The following PHACTR3 variants were observed in gnomAD, a reference collection of about 807,000 sequenced individuals.
The protein encoded by PHACTR3 is phosphatase and actin regulator 3.
Under a neutral mutation model 66.8 loss-of-function variants are expected in PHACTR3, and 16 were observed. That is an observed-to-expected ratio of 0.24 (90% CI 0.16 to 0.36). PHACTR3 has a LOEUF of 0.36. Among genes scored for constraint, PHACTR3 ranks in the 10% least tolerant of loss-of-function variants. The pLI, the probability that PHACTR3 is intolerant of heterozygous loss-of-function variation, is 1.00. For synonymous variants in PHACTR3, 323 were observed against 292.1 expected (o/e 1.11, Z -1.08); for missense variants, 647 against 719.9 (o/e 0.90, Z 1.16).
chr20:59,627,236 C>T (rs866566473), intron 1 of PHACTR3, among the ~76,000 whole-genome samples: 2 of 152,204 alleles, frequency 1.3e-5, no homozygotes, highest in Non-Finnish European at 2.9e-5. Context: ...TGGAAATGCA[C>T]GTGTGTGGGT....
chr20:59,633,887 C>T (rs1246346315), intron 1 of PHACTR3, among the ~76,000 whole-genome samples: 2 of 152,170 alleles, frequency 1.3e-5, no homozygotes, highest in African/African-American at 4.8e-5. Context: ...GAGGTTCTTA[C>T]AAAGCCAAAG....
At chr20:59,715,732 C>T (rs1295471929) in intron 1 of PHACTR3, among the ~76,000 whole-genome samples, 1 of 152,056 alleles carries the variant, frequency 6.6e-6, no homozygotes, top group Non-Finnish European at 1.5e-5. Flanking sequence ...CTGTGGGGCC[C>T]ATACATCCTT....
rs572248812 is a variant in PHACTR3 at position 59,760,702 on chromosome 20, G to A, written c.541+5338G>A. ...ATGTCTTTATCAGCAGCATGAAAAC[G>A]GACTAATAAGTGCCACACCAGCAAC... On this transcript the variant is annotated intron_variant, in intron 4 of 12. Coordinates refer to ENST00000371015, the MANE Select transcript of PHACTR3 (RefSeq NM_080672.5). 5.3e-5 allele frequency among the ~76,000 whole-genome samples: 8 copies of A among 152,142 alleles called. No individual in the cohort carries two copies. The South Asian group carries it at 1.0e-3, about 20-fold the overall frequency.
In PHACTR3 at chr20:59,609,234, G is replaced by A. The variant is rs138570913; in HGVS notation, c.118+4102G>A. Among the ~76,000 whole-genome samples, 58 of 152,312 alleles carry A rather than the reference G, an allele frequency of 3.8e-4. No individual in the cohort carries two copies. In the East Asian group the frequency reaches 0.011, roughly 28 times the overall value. ...GTCATGAGCTACAGACGGATGCACA[G>A]ACACATTCCCCAGGCCCTGGGCTCA... is the stretch of plus-strand genomic sequence containing the variant. On this transcript the variant is annotated intron_variant, in intron 1 of 12. Coordinates refer to ENST00000371015, the MANE Select transcript of PHACTR3 (RefSeq NM_080672.5).
chr20:59,663,067 G>A (rs1349792454), intron 1 of PHACTR3, among the ~76,000 whole-genome samples: 1 of 152,250 alleles, frequency 6.6e-6, no homozygotes, highest in Non-Finnish European at 1.5e-5. Flanking sequence ...GCGTCTGGGG[G>A]CTGCAAGCCC....
chr20:59,578,730 G>A (rs1400979284), intron 1 of PHACTR3, among the ~76,000 whole-genome samples: 1 of 152,182 alleles, frequency 6.6e-6, no homozygotes, highest in African/African-American at 2.4e-5. Context: ...GAAACCCTGA[G>A]ATACAGGGAT....
At chr20:59,728,233 C>A (rs767132780) in intron 1 of PHACTR3, among the ~76,000 whole-genome samples, 5 of 152,078 alleles carry the variant, frequency 3.3e-5, no homozygotes, top group South Asian at 2.1e-4. Flanking sequence ...GTGACTGGCT[C>A]CTTTCGTTTA....
intron 5 of PHACTR3, among the ~76,000 whole-genome samples, chr20:59,767,815 T>A (rs78579266): frequency 2.6e-5 from 4 of 152,000 alleles, no homozygotes; most frequent in African/African-American, 9.7e-5. Flanking sequence ...ATTCTGTTCC[T>A]TTCCATTCCA....
chr20:59,692,449 G>A (rs1335118596), intron 1 of PHACTR3, among the ~76,000 whole-genome samples: 1 of 152,232 alleles, frequency 6.6e-6, no homozygotes, highest in Non-Finnish European at 1.5e-5. Context: ...TTGTGGTTTG[G>A]TTGTGAGTCT....
chr20:59,689,718 G>A (rs1235235392), intron 1 of PHACTR3, among the ~76,000 whole-genome samples: 1 of 152,144 alleles, frequency 6.6e-6, no homozygotes, highest in Non-Finnish European at 1.5e-5. Flanking sequence ...AGTTCCAGGG[G>A]AGGGCACCAA....
At chr20:59,594,238 A>G (rs571107092) in intron 1 of PHACTR3, among the ~76,000 whole-genome samples, 13 of 152,026 alleles carry the variant, frequency 8.6e-5, no homozygotes, top group Non-Finnish European at 1.8e-4. Context: ...TGACTTGCTC[A>G]TTGCTGGTTT....
intron 1 of PHACTR3, among the ~76,000 whole-genome samples, chr20:59,606,143 G>C (rs775085883): frequency 2.1e-4 from 32 of 152,288 alleles, no homozygotes; most frequent in Non-Finnish European, 3.7e-4. Flanking sequence ...AACGACCCCA[G>C]ATGGGGACTT....
chr20:59,805,948 G>A (rs1377815233), intron 7 of PHACTR3, 93 bp from the exon 8 acceptor site: 1 of 1,378,770 alleles, frequency 7.3e-7, no homozygotes, highest in African/African-American at 1.5e-5. Context: ...TCCTTCCTCT[G>A]GCAGGTGGGC....
intron 1 of PHACTR3, chr20:59,628,797 C>T (rs6070876): frequency 0.61 from 602,335 of 985,022 alleles, 185,065 homozygotes; most frequent in African/African-American, 0.66. Context: ...CACAGCCCTG[C>T]GCTGGGAAGA....
At chr20:59,613,094 GA>G (rs1454076400) in intron 1 of PHACTR3, among the ~76,000 whole-genome samples, 1 of 152,150 alleles carries the variant, frequency 6.6e-6, no homozygotes, top group Non-Finnish European at 1.5e-5. Flanking sequence ...CAACATTAGG[GA>G]TTCCATTTCA....
chr20:59,762,250 T>C (rs1240528456), intron 4 of PHACTR3, among the ~76,000 whole-genome samples: 1 of 152,050 alleles, frequency 6.6e-6, no homozygotes, highest in Non-Finnish European at 1.5e-5. Flanking sequence ...GCCATCAGGG[T>C]GAAGGGTGGG....
At position 59,635,147 on chromosome 20, in the gene PHACTR3, C is replaced by T. The variant is rs868005282; in HGVS notation, c.118+30015C>T. ...TCTTTCTTTCTTTCTTTCTTTCTTT[C>T]TTTTTCTTTCTTTCTTTCTTTCCTT... On this transcript the variant is annotated intron_variant, in intron 1 of 12. Coordinates refer to ENST00000371015, the MANE Select transcript of PHACTR3 (RefSeq NM_080672.5). Among the ~76,000 whole-genome samples, 153 of 24,256 alleles carry T rather than the reference C, an allele frequency of 6.3e-3. 3 individuals carry two copies. The highest frequency in any genetic ancestry group is 6.9e-3 in the Non-Finnish European group (79 of 11,528). 15.9% of individuals were successfully genotyped at this position (24,256 alleles called of 152,430 possible).
At chr20:59,827,871 C>A (rs1172080923) in intron 8 of PHACTR3, among the ~76,000 whole-genome samples, 3 of 152,146 alleles carry the variant, frequency 2.0e-5, no homozygotes, top group Non-Finnish European at 2.9e-5. Flanking sequence ...GTTGAAGTTG[C>A]CCTGCCTCCT....
intron 10 of PHACTR3, 112 bp downstream of exon 10, chr20:59,840,542 TTC>T (rs1349430895): frequency 4.1e-6 from 6 of 1,465,212 alleles, no homozygotes; most frequent in Non-Finnish European, 5.5e-6. Flanking sequence ...ATGAATAATG[TTC>T]TCCTGGACAT....
Sources: allele counts gnomAD v4.1 joint callset (sites outside exome capture counted in the v4.1 genomes callset), GRCh38; gene constraint gnomAD v4.1.1; transcripts MANE v1.5; gene names NCBI Gene and HGNC (gene_info 2026-07-23, HGNC 2026-07-21).